IL1RAPL2: variants seen among roughly 807,000 people sequenced by gnomAD.
IL1RAPL2 encodes X-linked interleukin-1 receptor accessory protein-like 2.
Under a neutral mutation model 44.1 loss-of-function variants are expected in IL1RAPL2, and 3 were observed. The ratio of observed to expected loss-of-function variants is 0.07; its 90% CI spans 0.03 to 0.18. The LOEUF (loss-of-function observed/expected upper bound fraction) is 0.18. Among genes scored for constraint, IL1RAPL2 ranks in the 10% least tolerant of loss-of-function variants. The pLI, the probability that IL1RAPL2 is intolerant of heterozygous loss-of-function variation, is 1.00. For missense variants in IL1RAPL2, 391 were observed against 496.4 expected (o/e 0.79, Z 2.02); for synonymous variants, 181 against 178.8 (o/e 1.01, Z -0.10).
At chrX:105,243,603 A>ATT (rs1296744418) in intron 4 of IL1RAPL2, among the ~76,000 whole-genome samples, 8 of 86,691 alleles carry the variant, frequency 9.2e-5, no homozygotes, top group African/African-American at 5.2e-4. Flanking sequence ...ATATATATAT[A>ATT]TATTTTTTTT....
chrX:105,142,392 T>A (rs2033133109), intron 2 of IL1RAPL2, among the ~76,000 whole-genome samples: 1 of 111,313 alleles, frequency 9.0e-6, no homozygotes, highest in Non-Finnish European at 1.9e-5. Context: ...GCTGTTCATT[T>A]CTCCAGCAAC....
intron 5 of IL1RAPL2, among the ~76,000 whole-genome samples, chrX:105,442,503 G>C (rs1338277238): frequency 1.8e-5 from 2 of 111,940 alleles, no homozygotes; most frequent in African/African-American, 6.5e-5. Context: ...ACAAATGTTA[G>C]CTCCCTATTA....
intron 2 of IL1RAPL2, among the ~76,000 whole-genome samples, chrX:105,163,546 G>A (rs1176067781): frequency 2.7e-5 from 3 of 112,036 alleles, no homozygotes. Flanking sequence ...TTGGGAAGGT[G>A]AACTGTATTT....
chrX:105,454,775 C>T (rs2036043558), intron 5 of IL1RAPL2, among the ~76,000 whole-genome samples: 1 of 111,579 alleles, frequency 9.0e-6, no homozygotes, highest in African/African-American at 3.3e-5. Flanking sequence ...CCTGGCAATG[C>T]TGTCTGTCTC....
At position 105,517,398 on chromosome X, in the gene IL1RAPL2, C is replaced by T. The variant is rs779892029; in HGVS notation, c.772+33011C>T. Among the ~76,000 whole-genome samples, 14 of 111,653 alleles carry T rather than the reference C, an allele frequency of 1.3e-4. 1 individual carries two copies. The South Asian group carries it at 4.5e-3, about 36-fold the overall frequency. Reference sequence around the variant, plus strand: ...CTAGTTCAAGTATAGTCAAAATTCTCATGGCTAGCACTCAGAACCTCCCAA... The same window carrying T: ...CTAGTTCAAGTATAGTCAAAATTCTTATGGCTAGCACTCAGAACCTCCCAA... On this transcript the variant is annotated intron_variant, in intron 6 of 10. Coordinates refer to ENST00000372582, the MANE Select transcript of IL1RAPL2 (RefSeq NM_017416.2).
intron 6 of IL1RAPL2, among the ~76,000 whole-genome samples, chrX:105,611,305 A>T (rs1357826780): frequency 2.7e-5 from 3 of 111,608 alleles, no homozygotes; most frequent in Non-Finnish European, 5.7e-5. Flanking sequence ...CTGTTAAATA[A>T]TTTTTTTAAT....
intron 1 of IL1RAPL2, among the ~76,000 whole-genome samples, chrX:104,638,538 GT>G (rs1929871997): frequency 8.9e-6 from 1 of 111,745 alleles, no homozygotes; most frequent in African/African-American, 3.2e-5. Context: ...TATCCCACAA[GT>G]TTTAGGATGA....
At chrX:104,682,183 G>T (rs774661606) in intron 2 of IL1RAPL2, among the ~76,000 whole-genome samples, 1 of 111,686 alleles carries the variant, frequency 9.0e-6, no homozygotes, top group African/African-American at 3.2e-5. Context: ...TTACTAAGTA[G>T]GTCAGTGTGG....
At chrX:104,718,121 A>G (rs867213492) in intron 2 of IL1RAPL2, among the ~76,000 whole-genome samples, 3 of 110,974 alleles carry the variant, frequency 2.7e-5, no homozygotes, top group African/African-American at 9.8e-5. Flanking sequence ...TATATACCCA[A>G]TAATGGGATG....
At chrX:105,711,882 G>T (rs748736196) in intron 6 of IL1RAPL2, among the ~76,000 whole-genome samples, 2 of 112,160 alleles carry the variant, frequency 1.8e-5, no homozygotes, top group South Asian at 7.5e-4. Context: ...TCTTAAAACT[G>T]GAGAATAATT....
At chrX:104,882,876 CA>C (rs1337522393) in intron 2 of IL1RAPL2, among the ~76,000 whole-genome samples, 1 of 111,346 alleles carries the variant, frequency 9.0e-6, no homozygotes, top group African/African-American at 3.3e-5. Context: ...AGCAAGACCA[CA>C]AACCCACTGG....
At chrX:105,028,436 C>T in intron 2 of IL1RAPL2, among the ~76,000 whole-genome samples, 1 of 111,469 alleles carries the variant, frequency 9.0e-6, no homozygotes, top group Non-Finnish European at 1.9e-5. Flanking sequence ...CAAAACATCT[C>T]ATGTATCCCG....
chrX:104,569,791 A>G (rs542881569), intron 1 of IL1RAPL2, among the ~76,000 whole-genome samples: 1 of 112,514 alleles, frequency 8.9e-6, no homozygotes, highest in East Asian at 2.8e-4. Context: ...ATATGGTTGA[A>G]ATGATCGTAT....
At chrX:104,934,612 G>A (rs1233406929) in intron 2 of IL1RAPL2, among the ~76,000 whole-genome samples, 1 of 111,117 alleles carries the variant, frequency 9.0e-6, no homozygotes, top group African/African-American at 3.3e-5. Flanking sequence ...ATAATTTTAA[G>A]TATTCCTAAG....
Position 104,850,224 on chromosome X carries a change from C to A in IL1RAPL2, c.82+191229C>A, listed in dbSNP as rs938823563. 2.7e-5 allele frequency among the ~76,000 whole-genome samples: 3 copies of A among 109,519 alleles called. No individual in the cohort carries two copies. In the East Asian group the frequency reaches 8.6e-4, roughly 31 times the overall value. ...TAGTTGGATTTTTTTTTTAAAAAAA[C>A]CTCTTTTTATTTTTATTTGTTTTAA... On this transcript the variant is annotated intron_variant, in intron 2 of 10. Transcript: ENST00000372582.
chrX:105,597,893 G>T (rs937879144), intron 6 of IL1RAPL2, among the ~76,000 whole-genome samples: 1 of 111,378 alleles, frequency 9.0e-6, no homozygotes, highest in Admixed American at 9.5e-5. Flanking sequence ...GAACAGTATG[G>T]ACATTTTTTT....
At chrX:105,216,713 C>T (rs1192104980) in intron 3 of IL1RAPL2, among the ~76,000 whole-genome samples, 4 of 111,589 alleles carry the variant, frequency 3.6e-5, no homozygotes, top group Non-Finnish European at 1.9e-5. Context: ...TACTACAAGG[C>T]TACAGTAACA....
At chrX:105,042,765 AG>A (rs1309088198) in intron 2 of IL1RAPL2, among the ~76,000 whole-genome samples, 1 of 108,044 alleles carries the variant, frequency 9.3e-6, no homozygotes, top group African/African-American at 3.4e-5. Flanking sequence ...GCTGCTATAA[AG>A]ACACACACAC....
intron 2 of IL1RAPL2, among the ~76,000 whole-genome samples, chrX:105,015,225 G>A (rs2031149078): frequency 9.1e-6 from 1 of 110,375 alleles, no homozygotes; most frequent in Non-Finnish European, 1.9e-5. Context: ...TTTGTCAGAT[G>A]GATAGATTGC....
Sources: gnomAD v4.1 joint callset for allele counts (sites outside exome capture counted in the v4.1 genomes callset) on GRCh38, gnomAD v4.1.1 for gene constraint, MANE v1.5 for transcripts, NCBI Gene and HGNC (gene_info 2026-07-23, HGNC 2026-07-21) for gene names.